DYTN: variants seen among roughly 807,000 people sequenced by gnomAD.
DYTN encodes the protein dystrotelin.
Under a neutral mutation model 69.6 loss-of-function variants are expected in DYTN, and 75 were observed. That is an observed-to-expected ratio of 1.08 (90% CI 0.89 to 1.31). The LOEUF (loss-of-function observed/expected upper bound fraction) is 1.31. Ranked by LOEUF, DYTN falls within the 50% of genes most tolerant of loss-of-function variation. The probability of loss-of-function intolerance (pLI) is 0.00; values close to 1 mark genes in which losing one functional copy is unlikely to be tolerated. For synonymous variants in DYTN, 252 were observed against 249.1 expected (o/e 1.01, Z -0.11); for missense variants, 726 against 688.4 (o/e 1.05, Z -0.61).
intron 9 of DYTN, among the ~76,000 whole-genome samples, chr2:206,683,229 A>G (rs771678411): frequency 3.9e-5 from 6 of 152,138 alleles, no homozygotes; most frequent in Non-Finnish European, 7.4e-5. Context: ...TTGAAACCTC[A>G]GTTAAATTCT....
Position 206,651,721 on chromosome 2 carries a change from A to G in DYTN, c.*97T>C. 2 of 1,137,592 alleles carry G rather than the reference A, an allele frequency of 1.8e-6. No homozygotes were observed. Among genetic ancestry groups the G allele is most frequent in the South Asian group, 2.8e-5 (2 of 70,194 alleles). The allele number at this position is 1,137,592 out of a possible 1,614,324, so 70.5% of individuals were successfully genotyped here. On this transcript the variant is annotated 3_prime_UTR_variant, in exon 12 of 12. Coordinates refer to ENST00000452335, the MANE Select transcript of DYTN (RefSeq NM_001093730.1). ...CTGTTTTCTTCATAGTTCACACTAA[A>G]CTATTAAAAGAAAGGTAGAAGTCTT...
chr2:206,698,542 C>T (rs1699944101), intron 7 of DYTN, among the ~76,000 whole-genome samples: 1 of 152,170 alleles, frequency 6.6e-6, no homozygotes, highest in Non-Finnish European at 1.5e-5. Context: ...CTTTAGTCTT[C>T]CCACATCCCC....
intron 11 of DYTN, among the ~76,000 whole-genome samples, chr2:206,657,248 T>G (rs545194487): frequency 1.8e-4 from 27 of 152,216 alleles, no homozygotes; most frequent in African/African-American, 3.4e-4. Context: ...TGAGTAGATA[T>G]GACTATAGGC....
intron 9 of DYTN, among the ~76,000 whole-genome samples, chr2:206,684,582 C>G (rs1345558995): frequency 6.6e-6 from 1 of 152,194 alleles, no homozygotes; most frequent in Non-Finnish European, 1.5e-5. Context: ...TTCAGCCTCC[C>G]AAAGTTCTGG....
rs746852236 is a variant in DYTN, at chr2:206,710,643, A to AT, written c.20-46dup. The AT allele has an allele frequency of 1.3e-5, 18 of 1,422,440 alleles. No homozygotes were observed. The South Asian group carries it at 2.3e-4, about 19-fold the overall frequency. The allele number at this position is 1,422,440 out of a possible 1,614,324, so 88.1% of individuals were successfully genotyped here. On this transcript the variant is annotated intron_variant, in intron 1 of 11. Transcript: ENST00000452335. ...TATTATGAATAAAGTCTCTCTCATT[A>AT]TATAAATCCCACATCATGGAAGGAA...
intron 10 of DYTN, among the ~76,000 whole-genome samples, chr2:206,665,516 AT>A (rs1699560383): frequency 6.6e-6 from 1 of 151,984 alleles, no homozygotes; most frequent in East Asian, 1.9e-4. Context: ...AACAACAGAT[AT>A]TGATGCAAAA....
intron 10 of DYTN, among the ~76,000 whole-genome samples, chr2:206,664,263 A>G (rs981443820): frequency 6.6e-6 from 1 of 152,236 alleles, no homozygotes; most frequent in African/African-American, 2.4e-5. Flanking sequence ...CTGACAGACT[A>G]TGGTTATTCA....
intron 1 of DYTN, among the ~76,000 whole-genome samples, chr2:206,712,951 G>A (rs1238612673): frequency 6.6e-6 from 1 of 152,206 alleles, no homozygotes; most frequent in Non-Finnish European, 1.5e-5. Flanking sequence ...TTGTAGATTG[G>A]AGCAGAAATC....
At chr2:206,668,975 G>A (rs1267126770) in intron 9 of DYTN, among the ~76,000 whole-genome samples, 1 of 152,120 alleles carries the variant, frequency 6.6e-6, no homozygotes, top group Non-Finnish European at 1.5e-5. Context: ...GTTTCCTGAG[G>A]CCTCCCCAGC....
In DYTN at chr2:206,658,244, A is replaced by G. The variant is rs191493607; in HGVS notation, c.1633+4659T>C. ...CTTTGTTGAAATTCTCATTTCGTTC[A>G]TGTATTGTTCTCCTGGCTCACTGAG... On this transcript the variant is annotated intron_variant, in intron 11 of 11. Coordinates refer to ENST00000452335, the MANE Select transcript of DYTN (RefSeq NM_001093730.1). 7.8e-3 allele frequency among the ~76,000 whole-genome samples: 1,182 copies of G among 152,104 alleles called. 16 individuals are homozygous for G. The highest frequency in any genetic ancestry group is 9.0e-3 in the Non-Finnish European group (610 of 67,998).
At chr2:206,661,723 G>A (rs751863442) in intron 11 of DYTN, among the ~76,000 whole-genome samples, 22 of 152,066 alleles carry the variant, frequency 1.4e-4, no homozygotes, top group Admixed American at 2.6e-4. Context: ...TTAATCAACC[G>A]TTTATGTTCA....
intron 11 of DYTN, among the ~76,000 whole-genome samples, chr2:206,658,476 A>G (rs1344574082): frequency 6.6e-6 from 1 of 151,888 alleles, no homozygotes; most frequent in Non-Finnish European, 1.5e-5. Context: ...GAAGACCCTT[A>G]GCAATCAGCC....
At chr2:206,707,641 C>A (rs1438914193) in intron 2 of DYTN, 138 bp from the exon 3 acceptor site, 1 of 807,366 alleles carries the variant, frequency 1.2e-6, no homozygotes, top group Non-Finnish European at 1.9e-6. Context: ...TGAAATATGA[C>A]TACTATTTGG....
chr2:206,716,143 A>C (rs923148006), intron 1 of DYTN, among the ~76,000 whole-genome samples: 24 of 152,172 alleles, frequency 1.6e-4, no homozygotes, highest in African/African-American at 5.8e-4. Flanking sequence ...AAGTGAACTC[A>C]GCCTAAATTT....
At chr2:206,658,390 C>T (rs1056797574) in intron 11 of DYTN, among the ~76,000 whole-genome samples, 3 of 151,904 alleles carry the variant, frequency 2.0e-5, no homozygotes, top group Admixed American at 2.0e-4. Flanking sequence ...ACTTCTTCTT[C>T]TTTACTCTTT....
At chr2:206,654,891 C>T (rs564079289) in intron 11 of DYTN, among the ~76,000 whole-genome samples, 1 of 152,274 alleles carries the variant, frequency 6.6e-6, no homozygotes, top group African/African-American at 2.4e-5. Context: ...ACCATGCTCT[C>T]GTACATATAA....
At chr2:206,679,835 C>A (rs1164376420) in intron 9 of DYTN, among the ~76,000 whole-genome samples, 1 of 152,030 alleles carries the variant, frequency 6.6e-6, no homozygotes, top group Non-Finnish European at 1.5e-5. Flanking sequence ...ATAGGGTGAC[C>A]CACAGTTTCT....
chr2:206,698,232 A>G (rs1418818842), intron 7 of DYTN, among the ~76,000 whole-genome samples: 1 of 152,130 alleles, frequency 6.6e-6, no homozygotes, highest in Non-Finnish European at 1.5e-5. Flanking sequence ...TTTATTGTTT[A>G]AAGTTCAGTT....
At chr2:206,693,899 C>A (rs1340098804) in intron 8 of DYTN, among the ~76,000 whole-genome samples, 1 of 152,160 alleles carries the variant, frequency 6.6e-6, no homozygotes, top group Admixed American at 6.5e-5. Context: ...ACTTTTAGCA[C>A]TAGGAAGGTA....
Sources: allele counts gnomAD v4.1 joint callset (sites outside exome capture counted in the v4.1 genomes callset), GRCh38; gene constraint gnomAD v4.1.1; transcripts MANE v1.5; gene names NCBI Gene and HGNC (gene_info 2026-07-23, HGNC 2026-07-21).